SASH1: variants seen among roughly 807,000 people sequenced by gnomAD.
The protein encoded by SASH1 is SAM and SH3 domain-containing protein 1.
SASH1 carries 44 observed loss-of-function variants against 125.2 expected under a neutral mutation model. The ratio of observed to expected loss-of-function variants is 0.35; its 90% CI spans 0.28 to 0.45. The LOEUF (loss-of-function observed/expected upper bound fraction) is 0.45, where lower values mean the gene tolerates loss of function less well. Among genes scored for constraint, SASH1 ranks in the 20% least tolerant of loss-of-function variants. The pLI is 1.00. For missense variants in SASH1, 1,426 were observed against 1,614.5 expected, an observed-to-expected ratio of 0.88 and a Z score of 2.00; for synonymous variants, 639 against 649.1, an observed-to-expected ratio of 0.98 and a Z score of 0.24.
At chr6:148,248,864 G>A in the SASH1 span, among the ~76,000 whole-genome samples, 1 of 152,222 alleles carries the variant, frequency 6.6e-6, no homozygotes, top group East Asian at 1.9e-4. Flanking sequence ...CTGACAATCA[G>A]TGAGGACCAC....
chr6:148,442,942 A>G (rs1000878811), intron 4 of SASH1, among the ~76,000 whole-genome samples: 1 of 151,642 alleles, frequency 6.6e-6, no homozygotes, highest in African/African-American at 2.4e-5. Context: ...CCCGGCTACT[A>G]TTTTTTGTAT....
chr6:148,551,590 T>G lies in SASH1; in HGVS notation c.*3032T>G, dbSNP rs1476730741. ...TATTGGAAATCAGTTCCTGACATAG[T>G]AAAGTTTGCTTTCATAACTGCAGCA... On this transcript the variant is annotated 3_prime_UTR_variant, in exon 20 of 20. Transcript: ENST00000367467. 6.6e-6 allele frequency: 1 copy of G among 152,332 alleles called. No homozygotes were observed. The highest frequency in any genetic ancestry group is 2.4e-5 in the African/African-American group (1 of 41,454). 9.4% of individuals were successfully genotyped at this position (152,332 alleles called of 1,614,324 possible).
At chr6:148,338,225 G>C (rs1348308326), upstream of SASH1, among the ~76,000 whole-genome samples, 1 of 151,992 alleles carries the variant, frequency 6.6e-6, no homozygotes, top group Non-Finnish European at 1.5e-5. Flanking sequence ...TCAGGAGTTC[G>C]AGACCAGCCT....
intron 4 of SASH1, among the ~76,000 whole-genome samples, chr6:148,447,362 C>G (rs1776843481): frequency 6.6e-6 from 1 of 152,208 alleles, no homozygotes; most frequent in Non-Finnish European, 1.5e-5. Context: ...TATAAATGTT[C>G]TCTGCGGACA....
At chr6:148,537,631 G>T (rs1053970913) in intron 16 of SASH1, among the ~76,000 whole-genome samples, 2 of 152,152 alleles carry the variant, frequency 1.3e-5, no homozygotes, top group Admixed American at 6.6e-5. Flanking sequence ...AAGAAATATG[G>T]TGTAAGCCCA....
Position 148,525,333 on chromosome 6 carries a change from C to T in SASH1, c.1252C>T (p.Leu418=), listed in dbSNP as rs370605056. ...FGGFDLTNRS[L]HVGSNNSDPM... is the part of the protein sequence containing the mutation. Reference sequence around the variant, plus strand: ...AGGATTTGACTTGACGAATCGCTCTCTGCACGTTGGCAGTAATAATTCTGA... The same window carrying T: ...AGGATTTGACTTGACGAATCGCTCTTTGCACGTTGGCAGTAATAATTCTGA... The change falls in exon 11 of 20, where the codon CTG becomes TTG. Residue 418 remains leucine (L), a synonymous_variant. Transcript: ENST00000367467. 17 of 1,614,082 alleles carry T rather than the reference C, an allele frequency of 1.1e-5. No homozygotes were observed. The highest frequency in any genetic ancestry group is 1.4e-5 in the Non-Finnish European group (16 of 1,179,984).
chr6:148,468,476 T>C (rs1777949617), intron 4 of SASH1, 69 bp from the exon 5 acceptor site: 2 of 1,178,084 alleles, frequency 1.7e-6, no homozygotes, highest in African/African-American at 3.1e-5. Flanking sequence ...GTCAAACTAG[T>C]TAGGAGGATT....
chr6:148,494,953 G>A (rs1283689806), intron 8 of SASH1, among the ~76,000 whole-genome samples: 1 of 152,146 alleles, frequency 6.6e-6, no homozygotes, highest in African/African-American at 2.4e-5. Flanking sequence ...TTCTAAAATT[G>A]TAAACCATAA....
intron 1 of SASH1, among the ~76,000 whole-genome samples, chr6:148,279,706 T>TA (rs1779283178): frequency 6.6e-6 from 1 of 152,070 alleles, no homozygotes; most frequent in African/African-American, 2.4e-5. Context: ...TTTTAAAAAA[T>TA]ATTGATTGTC....
chr6:148,477,595 G>A lies in SASH1; in HGVS notation c.627+3373G>A, dbSNP rs866941685. 2.6e-5 allele frequency among the ~76,000 whole-genome samples: 4 copies of A among 152,032 alleles called. No homozygotes were observed. In the South Asian group the frequency reaches 8.3e-4, roughly 32 times the overall value. ...GGCTGGAATGCAGTGGCGAGATCTCGGCTCACTGCGACCTCCGCCTCCTGG... is the reference window on the plus strand; with the variant it reads ...GGCTGGAATGCAGTGGCGAGATCTCAGCTCACTGCGACCTCCGCCTCCTGG... On this transcript the variant is annotated intron_variant, in intron 7 of 19. Coordinates refer to ENST00000367467, the MANE Select transcript of SASH1 (RefSeq NM_015278.5).
chr6:148,242,205 C>A, the SASH1 span, among the ~76,000 whole-genome samples: 1 of 152,152 alleles, frequency 6.6e-6, no homozygotes, highest in African/African-American at 2.4e-5. Flanking sequence ...GCTAAGGGAT[C>A]ATTTTCCTTG....
At chr6:148,312,038 T>A (rs978609437) in intron 1 of SASH1, among the ~76,000 whole-genome samples, 13 of 152,262 alleles carry the variant, frequency 8.5e-5, no homozygotes, top group Admixed American at 7.2e-4. Flanking sequence ...GGATCCAGAC[T>A]CAAAAAGCTG....
intron 1 of SASH1, among the ~76,000 whole-genome samples, chr6:148,279,152 C>T (rs575814060): frequency 1.3e-4 from 20 of 152,088 alleles, no homozygotes; most frequent in South Asian, 2.1e-4. Flanking sequence ...CTGCTATGCC[C>T]GGCTAATTTT....
Position 148,495,831 on chromosome 6 carries a change from T to A in SASH1, c.729+8116T>A, listed in dbSNP as rs1338339861. ...TTTTATTTCTACTGTCTTTGTCTTC[T>A]TGTAATTATTCATTTATTTTTTGAG... On this transcript the variant is annotated intron_variant, in intron 8 of 19. Transcript: ENST00000367467. This position sits in a 1 kb window ranked among gnomAD's most constrained non-coding sequence, Gnocchi z 4.0. Among the ~76,000 whole-genome samples the A allele has an allele frequency of 6.6e-6, 1 of 152,192 alleles. No individual in the cohort carries two copies. The highest frequency in any genetic ancestry group is 6.5e-5 in the Admixed American group (1 of 15,272).
intron 10 of SASH1, among the ~76,000 whole-genome samples, chr6:148,520,687 C>T (rs967792047): frequency 1.3e-5 from 2 of 152,150 alleles, no homozygotes; most frequent in Non-Finnish European, 2.9e-5. Flanking sequence ...CCAGGAGTGG[C>T]TGTCTTGATT....
chr6:148,310,459 T>C (rs1352788845), intron 1 of SASH1, among the ~76,000 whole-genome samples: 1 of 148,460 alleles, frequency 6.7e-6, no homozygotes, highest in Non-Finnish European at 1.5e-5. Flanking sequence ...TAGACCTCAA[T>C]GTAAAATCAC....
chr6:148,307,603 C>A (rs569527956), intron 1 of SASH1, among the ~76,000 whole-genome samples: 1 of 152,262 alleles, frequency 6.6e-6, no homozygotes, highest in African/African-American at 2.4e-5. Context: ...CCACCCCTTG[C>A]TGATCCCAGG....
At chr6:148,418,077 T>A (rs1287123430) in intron 2 of SASH1, among the ~76,000 whole-genome samples, 1 of 152,152 alleles carries the variant, frequency 6.6e-6, no homozygotes, top group Non-Finnish European at 1.5e-5. Flanking sequence ...GGGCACTTGG[T>A]GAATACTTGG....
intron 1 of SASH1, among the ~76,000 whole-genome samples, chr6:148,383,139 A>C (rs546867767): frequency 7.2e-5 from 11 of 152,248 alleles, no homozygotes; most frequent in Non-Finnish European, 1.5e-4. Context: ...AATGAGGCCG[A>C]ACAAGAAAAC....
Sources: allele counts gnomAD v4.1 joint callset (sites outside exome capture counted in the v4.1 genomes callset), GRCh38; gene constraint gnomAD v4.1.1; non-coding constraint Gnocchi (gnomAD v3.1); transcripts MANE v1.5; gene names NCBI Gene and HGNC (gene_info 2026-07-23, HGNC 2026-07-21).